DPP6: variants seen among roughly 807,000 people sequenced by gnomAD.
DPP6 encodes the protein dipeptidyl peptidase like 6, also known as A-type potassium channel modulatory protein DPP6.
A neutral mutation model predicts 122.6 loss-of-function variants in DPP6; 69 were observed. The observed-to-expected ratio is 0.56, with a 90% CI of 0.46 to 0.69. The LOEUF (loss-of-function observed/expected upper bound fraction) is 0.69, where lower values mean the gene tolerates loss of function less well. Ranked by LOEUF, DPP6 falls within the 30% of genes least tolerant of loss-of-function variation. The probability of loss-of-function intolerance (pLI) is 0.00; values close to 1 mark genes in which losing one functional copy is unlikely to be tolerated. For missense variants in DPP6, 928 were observed against 1,116.9 expected, an observed-to-expected ratio of 0.83 and a Z score of 2.41; for synonymous variants, 418 against 433.1, an observed-to-expected ratio of 0.97 and a Z score of 0.43.
At chr7:154,433,396 T>C (rs372730286) in intron 1 of DPP6, among the ~76,000 whole-genome samples, 1 of 151,924 alleles carries the variant, frequency 6.6e-6, no homozygotes, top group Admixed American at 6.5e-5. Flanking sequence ...CTTGAACTCC[T>C]GACCTCAGGT....
At chr7:154,171,609 A>G (rs142625397) in intron 1 of DPP6, among the ~76,000 whole-genome samples, 18 of 152,208 alleles carry the variant, frequency 1.2e-4, no homozygotes, top group Admixed American at 3.3e-4. Context: ...AGCCATTACC[A>G]TCTCCCACCT....
chr7:153,804,430 T>C, the DPP6 span, among the ~76,000 whole-genome samples: 1 of 152,180 alleles, frequency 6.6e-6, no homozygotes, highest in South Asian at 2.1e-4. Context: ...TAATTTTCTA[T>C]ATTTTAATAT....
intron 1 of DPP6, among the ~76,000 whole-genome samples, chr7:154,382,997 G>T (rs1813763319): frequency 6.6e-6 from 1 of 152,202 alleles, no homozygotes; most frequent in African/African-American, 2.4e-5. Flanking sequence ...AAAATGCTGG[G>T]ATTACAGGCT....
chr7:154,332,722 A>T (rs1481874060), intron 1 of DPP6, among the ~76,000 whole-genome samples: 1 of 152,174 alleles, frequency 6.6e-6, no homozygotes, highest in Non-Finnish European at 1.5e-5. Flanking sequence ...ACATTTTGAG[A>T]TTCTGTCTCC....
At chr7:154,794,465 C>A (rs1019380706) in intron 11 of DPP6, among the ~76,000 whole-genome samples, 3 of 152,246 alleles carry the variant, frequency 2.0e-5, no homozygotes, top group African/African-American at 7.2e-5. Context: ...ACGCCGTCCG[C>A]AGTTCACTGA....
At chr7:153,933,626 C>T (rs1282177111) in intron 1 of DPP6, among the ~76,000 whole-genome samples, 2 of 152,138 alleles carry the variant, frequency 1.3e-5, no homozygotes, top group South Asian at 2.1e-4. Context: ...TTTCTCTCTA[C>T]CACCCCATCC....
upstream of DPP6, among the ~76,000 whole-genome samples, chr7:154,052,027 G>A (rs918615325): frequency 4.0e-5 from 6 of 151,672 alleles, no homozygotes; most frequent in Admixed American, 3.3e-4. This position sits in a 1 kb window ranked among gnomAD's most constrained non-coding sequence, Gnocchi z 4.8. Context: ...GGGGCGCCCC[G>A]GGGCCGGCTG....
At chr7:154,478,085 G>A (rs1183224985) in intron 3 of DPP6, among the ~76,000 whole-genome samples, 1 of 151,784 alleles carries the variant, frequency 6.6e-6, no homozygotes, top group East Asian at 1.9e-4. Context: ...AGTGAATGAA[G>A]TAACTTTGCA....
chr7:154,837,420 GCATA>G (rs142466742), intron 16 of DPP6, among the ~76,000 whole-genome samples: 4,615 of 152,304 alleles, frequency 0.03, 114 homozygotes, highest in South Asian at 0.097. Context: ...ACACGTGTAT[GCATA>G]CAGACACATT....
intron 1 of DPP6, among the ~76,000 whole-genome samples, chr7:154,129,590 C>G (rs1005564063): frequency 3.9e-5 from 6 of 152,198 alleles, no homozygotes; most frequent in South Asian, 2.1e-4. Context: ...TGGTGAAACC[C>G]TGTCTCTACT....
At chr7:154,639,058 A>G (rs1835902635) in intron 6 of DPP6, among the ~76,000 whole-genome samples, 1 of 152,164 alleles carries the variant, frequency 6.6e-6, no homozygotes, top group Non-Finnish European at 1.5e-5. Context: ...GCTAGAAAGC[A>G]TTTTTCCATA....
chr7:154,340,080 A>C (rs1809792787), intron 1 of DPP6, among the ~76,000 whole-genome samples: 1 of 151,670 alleles, frequency 6.6e-6, no homozygotes, highest in African/African-American at 2.4e-5. Flanking sequence ...CTCGCAAAGA[A>C]AAAAAAAATT....
chr7:153,783,091 G>A, the DPP6 span, among the ~76,000 whole-genome samples: 10 of 152,244 alleles, frequency 6.6e-5, no homozygotes, highest in East Asian at 1.9e-3. Context: ...GGAAACTGAC[G>A]AGACCTTTAC....
At chr7:154,233,060 T>C (rs1014497486) in intron 1 of DPP6, among the ~76,000 whole-genome samples, 5 of 152,248 alleles carry the variant, frequency 3.3e-5, no homozygotes, top group African/African-American at 1.2e-4. Context: ...ATTATTTCAC[T>C]TAGAAGCTCA....
intron 3 of DPP6, among the ~76,000 whole-genome samples, chr7:154,531,307 A>T (rs1035679779): frequency 6.6e-6 from 1 of 152,222 alleles, no homozygotes; most frequent in Non-Finnish European, 1.5e-5. Context: ...TCTGGGAAAT[A>T]ATTCAATTAA....
chr7:154,783,524 C>G (rs1249968852), intron 10 of DPP6, among the ~76,000 whole-genome samples: 1 of 152,186 alleles, frequency 6.6e-6, no homozygotes, highest in African/African-American at 2.4e-5. Context: ...TCCCGCAGCA[C>G]AGGATTCTGC....
intron 5 of DPP6, among the ~76,000 whole-genome samples, chr7:154,570,234 C>G (rs1586651210): frequency 6.6e-6 from 1 of 152,020 alleles, no homozygotes; most frequent in East Asian, 1.9e-4. Flanking sequence ...AGTACAGCAA[C>G]ATCCTGAGAA....
intron 16 of DPP6, among the ~76,000 whole-genome samples, chr7:154,843,006 G>A (rs1401372814): frequency 2.6e-5 from 4 of 152,244 alleles, no homozygotes; most frequent in African/African-American, 7.2e-5. Context: ...ATATGTTCAC[G>A]TGAATTTGGG....
chr7:154,145,396 A>G (rs943677523), intron 1 of DPP6, among the ~76,000 whole-genome samples: 9 of 152,164 alleles, frequency 5.9e-5, no homozygotes, highest in Non-Finnish European at 8.8e-5. Context: ...TCTAACAGCC[A>G]CTGAGCTTGG....
Sources: gnomAD v4.1 joint callset for allele counts (sites outside exome capture counted in the v4.1 genomes callset) on GRCh38, gnomAD v4.1.1 for gene constraint, Gnocchi (gnomAD v3.1) non-coding constraint, MANE v1.5 for transcripts, NCBI Gene and HGNC (gene_info 2026-07-23, HGNC 2026-07-21) for gene names.